Variants in YES1 observed in about 807,000 individuals in gnomAD.
The protein encoded by YES1 is YES proto-oncogene 1, Src family tyrosine kinase, also known as tyrosine-protein kinase Yes.
In YES1, 39 loss-of-function variants were observed where a neutral mutation model predicts 70.4. The ratio of observed to expected loss-of-function variants is 0.55; its 90% CI spans 0.43 to 0.72. The LOEUF (loss-of-function observed/expected upper bound fraction) is 0.72. Among genes scored for constraint, YES1 ranks in the 30% least tolerant of loss-of-function variants. The probability of loss-of-function intolerance (pLI) is 0.00; values close to 1 mark genes in which losing one functional copy is unlikely to be tolerated. For synonymous variants in YES1, 198 were observed against 218.6 expected (o/e 0.91, Z 0.83); for missense variants, 495 against 644.8 (o/e 0.77, Z 2.52).
chr18:763,868 T>C (rs1298802793), intron 1 of YES1, among the ~76,000 whole-genome samples: 1 of 152,034 alleles, frequency 6.6e-6, no homozygotes, highest in African/African-American at 2.4e-5. Flanking sequence ...ACATCTGTAA[T>C]CCCAGCACTT....
chr18:789,051 G>A (rs1906108029), intron 1 of YES1, among the ~76,000 whole-genome samples: 1 of 152,136 alleles, frequency 6.6e-6, no homozygotes, highest in Admixed American at 6.5e-5. Flanking sequence ...GTTTGAGAAT[G>A]GATATTTTAA....
intron 9 of YES1, chr18:737,579 A>T (rs1280241359): frequency 2.0e-5 from 3 of 152,298 alleles, no homozygotes; most frequent in Non-Finnish European, 4.4e-5. Context: ...AAGCTCATCA[A>T]GGTCTCTATC....
intron 1 of YES1, among the ~76,000 whole-genome samples, chr18:785,953 T>G (rs1025014543): frequency 6.6e-6 from 1 of 152,048 alleles, no homozygotes; most frequent in Non-Finnish European, 1.5e-5. Flanking sequence ...TGAGTTTCTC[T>G]CTCTCCCTCA....
At chr18:803,509 A>C (rs1765376507) in intron 1 of YES1, among the ~76,000 whole-genome samples, 1 of 152,142 alleles carries the variant, frequency 6.6e-6, no homozygotes, top group South Asian at 2.1e-4. Context: ...TATTACCCCC[A>C]ATCTTTTGAA....
intron 1 of YES1, among the ~76,000 whole-genome samples, chr18:806,538 C>A (rs971833780): frequency 1.3e-5 from 2 of 152,222 alleles, no homozygotes. Flanking sequence ...TCATATAAAT[C>A]TGCCCAGAAC....
Position 724,008 on chromosome 18 carries a change from T to TA in YES1, c.*415dup, listed in dbSNP as rs2079989067. 6.3e-6 allele frequency: 1 copy of TA among 158,962 alleles called. No homozygotes were observed. Among genetic ancestry groups the TA allele is most frequent in the Admixed American group, 6.1e-5 (1 of 16,514 alleles). 9.8% of individuals were successfully genotyped at this position (158,962 alleles called of 1,614,324 possible). ...GGAATGGAATTATTTGGTCCCATGA[T>TA]ATTCCTTAATTTTAGATTTTATTAT... On this transcript the variant is annotated 3_prime_UTR_variant, in exon 12 of 12. Coordinates refer to ENST00000314574, the MANE Select transcript of YES1 (RefSeq NM_005433.4).
intron 1 of YES1, among the ~76,000 whole-genome samples, chr18:760,996 C>A (rs1904562458): frequency 6.6e-6 from 1 of 152,106 alleles, no homozygotes; most frequent in Non-Finnish European, 1.5e-5. Context: ...CAATTCACAA[C>A]ACAGGAAAGG....
At chr18:731,959 T>TTGGCCAGGCGCGGTGGCTCACG (rs2080094527) in intron 11 of YES1, among the ~76,000 whole-genome samples, 1 of 82,846 alleles carries the variant, frequency 1.2e-5, no homozygotes, top group Non-Finnish European at 2.0e-5. Context: ...AGAGCGAGAC[T>TTGGCCAGGCGCGGTGGCTCACG]CCATTTCAAA....
intron 1 of YES1, among the ~76,000 whole-genome samples, chr18:792,408 C>G (rs1906298730): frequency 6.6e-6 from 1 of 152,084 alleles, no homozygotes; most frequent in Non-Finnish European, 1.5e-5. Flanking sequence ...CTGCACACAT[C>G]TGTAGTCCCA....
intron 1 of YES1, among the ~76,000 whole-genome samples, chr18:781,156 C>T (rs1695027152): frequency 6.6e-6 from 1 of 151,450 alleles, no homozygotes; most frequent in South Asian, 2.1e-4. Flanking sequence ...ATAATCCCAG[C>T]TACTCAGGAG....
At chr18:766,530 T>A (rs1904917623) in intron 1 of YES1, among the ~76,000 whole-genome samples, 1 of 151,364 alleles carries the variant, frequency 6.6e-6, no homozygotes, top group Admixed American at 6.6e-5. Flanking sequence ...ACCATTAGAG[T>A]TAGGAATACT....
In YES1 at chr18:772,259, C is replaced by A. The variant is rs537112777; in HGVS notation, c.-8-15424G>T. Among the ~76,000 whole-genome samples the A allele has an allele frequency of 7.9e-5, 12 of 151,982 alleles. No individual in the cohort carries two copies. The South Asian group carries it at 2.5e-3, about 32-fold the overall frequency. On this transcript the variant is annotated intron_variant, in intron 1 of 11. Transcript: ENST00000314574. ...GGTCAGGCTGGTCTCAAACTCCCAA[C>A]CTCAAGTGATCCTCCCACTTCGGCC...
At chr18:807,446 CTG>C (rs1233698465) in intron 1 of YES1, among the ~76,000 whole-genome samples, 2 of 152,186 alleles carry the variant, frequency 1.3e-5, no homozygotes, top group African/African-American at 2.4e-5. Context: ...CTGCGGTGAG[CTG>C]TGACTGCACC....
chr18:737,078 T>C, intron 9 of YES1, 117 bp from the exon 10 acceptor site: 1 of 863,134 alleles, frequency 1.2e-6, no homozygotes, highest in Non-Finnish European at 1.7e-6. Flanking sequence ...TAGAAGGAGA[T>C]GATGGTAACA....
chr18:787,474 C>T (rs1906023419), intron 1 of YES1, among the ~76,000 whole-genome samples: 1 of 151,956 alleles, frequency 6.6e-6, no homozygotes, highest in African/African-American at 2.4e-5. Context: ...ATTTCGGAGG[C>T]CAAGCCAGGT....
chr18:748,135 T>C lies in YES1; in HGVS notation c.372-117A>G, dbSNP rs566263419. On this transcript the variant is annotated intron_variant, in intron 3 of 11. Coordinates refer to ENST00000314574, the MANE Select transcript of YES1 (RefSeq NM_005433.4). ...GGGTATTACTTTCATTTTTTATTTA[T>C]GCATTCATTGGATGAAGAATTAAAC... The C allele has an allele frequency of 9.5e-5, 69 of 724,690 alleles. No homozygotes were observed. The Middle Eastern group carries it at 1.2e-3, about 13-fold the overall frequency. The allele number at this position is 724,690 out of a possible 1,614,324, so 44.9% of individuals were successfully genotyped here.
At chr18:811,963 A>T (rs1455152591) in intron 1 of YES1, among the ~76,000 whole-genome samples, 151 bp downstream of exon 1, 3 of 152,006 alleles carry the variant, frequency 2.0e-5, no homozygotes, top group African/African-American at 7.2e-5. Context: ...GATCCGGGGG[A>T]GGGGAGAAGT....
intron 9 of YES1, chr18:738,531 A>T (rs2145694615): frequency 6.6e-6 from 1 of 152,020 alleles, no homozygotes; most frequent in Admixed American, 6.5e-5. Context: ...CCTACTAAAA[A>T]TACAAAAGAT....
At chr18:757,572 G>A (rs1904358351) in intron 1 of YES1, among the ~76,000 whole-genome samples, 1 of 151,080 alleles carries the variant, frequency 6.6e-6, no homozygotes. Context: ...TGTAATTGTA[G>A]CACTTTGGGA....
Sources: gnomAD v4.1 joint callset for allele counts (sites outside exome capture counted in the v4.1 genomes callset) on GRCh38, gnomAD v4.1.1 for gene constraint, MANE v1.5 for transcripts, NCBI Gene and HGNC (gene_info 2026-07-23, HGNC 2026-07-21) for gene names.